CCDC93: variants seen among roughly 807,000 people sequenced by gnomAD.
The protein encoded by CCDC93 is coiled-coil domain-containing protein 93.
In CCDC93, 61 loss-of-function variants were observed where a neutral mutation model predicts 108.2. The ratio of observed to expected loss-of-function variants is 0.56; its 90% CI spans 0.46 to 0.70. The LOEUF (loss-of-function observed/expected upper bound fraction) is 0.70. Among genes scored for constraint, CCDC93 ranks in the 30% least tolerant of loss-of-function variants. The pLI is 0.00. For missense variants in CCDC93, 685 were observed against 764.2 expected, an observed-to-expected ratio of 0.90 and a Z score of 1.22; for synonymous variants, 276 against 260.4, an observed-to-expected ratio of 1.06 and a Z score of -0.58.
intron 15 of CCDC93, 43 bp downstream of exon 15, chr2:117,948,062 A>G (rs773514834): frequency 5.4e-6 from 8 of 1,470,150 alleles, no homozygotes; most frequent in Non-Finnish European, 6.7e-6. Context: ...CAAGAGATTC[A>G]ATAAGCGTCC....
chr2:117,967,714 G>A (rs182551673), intron 11 of CCDC93, among the ~76,000 whole-genome samples: 1 of 152,240 alleles, frequency 6.6e-6, no homozygotes, highest in East Asian at 1.9e-4. Context: ...ACATAATCTC[G>A]TTTCTTTGCC....
intron 21 of CCDC93, 131 bp downstream of exon 21, chr2:117,936,571 G>T: frequency 1.3e-6 from 1 of 777,190 alleles, no homozygotes; most frequent in Non-Finnish European, 2.3e-6. Context: ...GGCTAAAAGA[G>T]TAAGAATCAC....
At chr2:117,938,892 C>T in intron 20 of CCDC93, 137 bp downstream of exon 20, 2 of 554,470 alleles carry the variant, frequency 3.6e-6, no homozygotes, top group Non-Finnish European at 6.5e-6. Flanking sequence ...CTGGGTATGC[C>T]AGCACTTAGC....
At chr2:117,984,625 G>A (rs1461721024) in intron 7 of CCDC93, among the ~76,000 whole-genome samples, 1 of 152,074 alleles carries the variant, frequency 6.6e-6, no homozygotes, top group East Asian at 1.9e-4. Context: ...TCACCCTCAG[G>A]AAAATCCTAT....
chr2:117,966,088 A>G (rs1193455079), intron 11 of CCDC93, among the ~76,000 whole-genome samples: 1 of 152,194 alleles, frequency 6.6e-6, no homozygotes, highest in Non-Finnish European at 1.5e-5. Flanking sequence ...TTGTTGAATA[A>G]ATTTCCTGAG....
At chr2:118,012,630 A>T (rs1056440799) in intron 1 of CCDC93, 10 of 152,234 alleles carry the variant, frequency 6.6e-5, no homozygotes, top group African/African-American at 1.4e-4. Context: ...GTGGCAAAAA[A>T]GAAAACTTCA....
At chr2:117,974,457 C>T (rs1349769106) in intron 10 of CCDC93, among the ~76,000 whole-genome samples, 1 of 152,200 alleles carries the variant, frequency 6.6e-6, no homozygotes, top group East Asian at 1.9e-4. Flanking sequence ...GCTATACCTT[C>T]TGGACAGGCT....
At chr2:117,994,866 G>C (rs1680595389) in intron 6 of CCDC93, among the ~76,000 whole-genome samples, 1 of 152,214 alleles carries the variant, frequency 6.6e-6, no homozygotes, top group South Asian at 2.1e-4. Context: ...CTTCAGCTCA[G>C]GTAGGAAGGC....
chr2:117,966,635 C>G (rs1679587141), intron 11 of CCDC93, among the ~76,000 whole-genome samples: 1 of 152,222 alleles, frequency 6.6e-6, no homozygotes, highest in Non-Finnish European at 1.5e-5. Flanking sequence ...GGGACAAGAT[C>G]TGCTCTAATC....
intron 9 of CCDC93, 131 bp downstream of exon 9, chr2:117,975,057 G>T: frequency 9.7e-7 from 1 of 1,026,946 alleles, no homozygotes; most frequent in Non-Finnish European, 1.5e-6. Context: ...GAAACTGGAA[G>T]GTGTGAAAGA....
chr2:117,957,647 G>C (rs1028303717), intron 12 of CCDC93, among the ~76,000 whole-genome samples: 4 of 152,122 alleles, frequency 2.6e-5, no homozygotes, highest in Admixed American at 6.5e-5. Context: ...TGGTCCTGTT[G>C]ATCAGACACT....
chr2:117,944,719 C>T (rs538968654), intron 17 of CCDC93: 1 of 471,008 alleles, frequency 2.1e-6, no homozygotes, highest in African/African-American at 2.0e-5. Context: ...AACACACCCC[C>T]CTACCCAACG....
chr2:117,948,103 A>G lies in CCDC93; in HGVS notation c.1224+2T>C. On this transcript the variant is annotated splice_donor_variant, in intron 15 of 23. Coordinates refer to ENST00000376300, the MANE Select transcript of CCDC93 (RefSeq NM_019044.5). LOFTEE classifies it high-confidence loss of function. ...TATTTGCTGACACCAAACAACACTT[A>G]CTCGACAATGTGCTTTAAATTCCTG... The G allele has an allele frequency of 6.2e-7, 1 of 1,608,682 alleles. No homozygotes were observed. The highest frequency in any genetic ancestry group is 8.5e-7 in the Non-Finnish European group (1 of 1,175,074).
chr2:117,960,562 A>G (rs1197695117), intron 11 of CCDC93, among the ~76,000 whole-genome samples: 1 of 152,242 alleles, frequency 6.6e-6, no homozygotes, highest in Non-Finnish European at 1.5e-5. Flanking sequence ...ATGCTCTCGT[A>G]TTAGTGTATG....
chr2:117,954,632 C>T (rs1334328799), intron 12 of CCDC93, among the ~76,000 whole-genome samples: 3 of 152,156 alleles, frequency 2.0e-5, no homozygotes, highest in Non-Finnish European at 4.4e-5. Context: ...TTTCTTTCAT[C>T]ACTCTCAGGT....
chr2:117,989,267 C>A (rs918568118), intron 6 of CCDC93, among the ~76,000 whole-genome samples: 2 of 152,170 alleles, frequency 1.3e-5, no homozygotes, highest in African/African-American at 2.4e-5. Context: ...AGACTCCCCC[C>A]TGTGTGATGC....
intron 23 of CCDC93, among the ~76,000 whole-genome samples, chr2:117,929,018 C>A (rs1454299558): frequency 6.6e-6 from 1 of 150,860 alleles, no homozygotes; most frequent in African/African-American, 2.4e-5. Flanking sequence ...GGACAAAAAA[C>A]TAAACACCAC....
chr2:117,985,941 G>C (rs762875160), intron 7 of CCDC93, 28 bp downstream of exon 7: 2 of 1,326,444 alleles, frequency 1.5e-6, no homozygotes, highest in Non-Finnish European at 2.2e-6. Context: ...TTTTAAAAGA[G>C]ACACCTAGAC....
intron 23 of CCDC93, among the ~76,000 whole-genome samples, chr2:117,923,577 C>G (rs145200466): frequency 0.053 from 8,069 of 152,230 alleles, 287 homozygotes; most frequent in Non-Finnish European, 0.083. Flanking sequence ...GAGGGGCACC[C>G]GCCATTTCTG....
Sources: gnomAD v4.1 joint callset for allele counts (sites outside exome capture counted in the v4.1 genomes callset) on GRCh38, gnomAD v4.1.1 for gene constraint, MANE v1.5 for transcripts, NCBI Gene and HGNC (gene_info 2026-07-23, HGNC 2026-07-21) for gene names.